The following SMIM7 variants were observed in gnomAD, a reference collection of about 807,000 sequenced individuals.
SMIM7 encodes small integral membrane protein 7.
SMIM7 carries 12 observed loss-of-function variants against 13.3 expected under a neutral mutation model. The ratio of observed to expected loss-of-function variants is 0.90; its 90% CI spans 0.58 to 1.46. The LOEUF (loss-of-function observed/expected upper bound fraction) is 1.46. SMIM7 is among the 40% of genes most tolerant of loss of function. SMIM7 has a pLI of 0.00. For missense variants in SMIM7, 114 were observed against 94.8 expected, an observed-to-expected ratio of 1.20 and a Z score of -0.84; for synonymous variants, 36 against 35.8, an observed-to-expected ratio of 1.01 and a Z score of -0.02.
intron 3 of SMIM7, among the ~76,000 whole-genome samples, chr19:16,657,916 T>G (rs2086617815): frequency 6.6e-6 from 1 of 152,202 alleles, no homozygotes. Flanking sequence ...GTGCCTGTAG[T>G]CCCAGCTACT....
intron 4 of SMIM7, among the ~76,000 whole-genome samples, chr19:16,649,252 T>C (rs922933851): frequency 6.6e-6 from 1 of 151,888 alleles, no homozygotes; most frequent in Non-Finnish European, 1.5e-5. Flanking sequence ...ACTTGAGGTC[T>C]GGAGTTCGAG....
intron 4 of SMIM7, chr19:16,638,873 G>A (rs907743911): frequency 6.6e-6 from 1 of 152,202 alleles, no homozygotes; most frequent in African/African-American, 2.4e-5. Context: ...GGTGCAGAAG[G>A]GCCAAGACAC....
intron 4 of SMIM7, among the ~76,000 whole-genome samples, chr19:16,637,899 T>G (rs762180875): frequency 3.9e-5 from 6 of 152,160 alleles, no homozygotes; most frequent in Admixed American, 6.6e-5. Flanking sequence ...AGGGACTGTA[T>G]TTGGAGACAG....
intron 3 of SMIM7, among the ~76,000 whole-genome samples, chr19:16,658,093 T>C (rs1033242617): frequency 6.6e-6 from 1 of 152,170 alleles, no homozygotes; most frequent in African/African-American, 2.4e-5. Flanking sequence ...TGCTCCATCA[T>C]GGCATCCACC....
downstream of SMIM7, among the ~76,000 whole-genome samples, chr19:16,643,291 T>C (rs1250082648): frequency 2.0e-5 from 3 of 152,210 alleles, no homozygotes; most frequent in African/African-American, 4.8e-5. Context: ...TGGAAGAATA[T>C]GTACCTAGGG....
chr19:16,652,639 C>T (rs547424432), intron 4 of SMIM7: 1 of 1,352,830 alleles, frequency 7.4e-7, no homozygotes, highest in Admixed American at 3.4e-5. Flanking sequence ...ACATCACGGT[C>T]CTTGTGATGA....
chr19:16,643,106 G>A (rs943150685), downstream of SMIM7, among the ~76,000 whole-genome samples: 1 of 152,008 alleles, frequency 6.6e-6, no homozygotes, highest in East Asian at 1.9e-4. Flanking sequence ...CTGGCCAAGT[G>A]AGACTCTGTC....
intron 4 of SMIM7, among the ~76,000 whole-genome samples, chr19:16,652,203 T>G (rs2086535534): frequency 6.6e-6 from 1 of 152,152 alleles, no homozygotes; most frequent in African/African-American, 2.4e-5. Flanking sequence ...AGGTCTTGAT[T>G]TATTATTATT....
At chr19:16,635,135 G>A (rs2122487954) in intron 4 of SMIM7, 1 of 152,122 alleles carries the variant, frequency 6.6e-6, no homozygotes, top group Admixed American at 6.6e-5. Context: ...GCTGAGGCAG[G>A]TGGATCACTT....
At chr19:16,651,912 T>C (rs575039106) in intron 4 of SMIM7, among the ~76,000 whole-genome samples, 1 of 133,360 alleles carries the variant, frequency 7.5e-6, no homozygotes, top group African/African-American at 2.9e-5. Context: ...AAGACGAGAA[T>C]GAGAGAAGCA....
At chr19:16,637,345 G>A (rs1358222395) in intron 4 of SMIM7, among the ~76,000 whole-genome samples, 7 of 152,056 alleles carry the variant, frequency 4.6e-5, no homozygotes, top group Non-Finnish European at 7.4e-5. Context: ...GTGAAACCTC[G>A]TCTCTACAAA....
chr19:16,645,130 C>T (rs1020523186), downstream of SMIM7: 3 of 152,202 alleles, frequency 2.0e-5, no homozygotes, highest in East Asian at 1.9e-4. Flanking sequence ...GAGACACAAC[C>T]ATGAGATTCC....
chr19:16,631,956 G>A (rs1011998367), intron 4 of SMIM7, among the ~76,000 whole-genome samples: 1 of 150,076 alleles, frequency 6.7e-6, no homozygotes, highest in African/African-American at 2.4e-5. Flanking sequence ...TGCAATCTCC[G>A]CCTTTCAGGT....
chr19:16,633,804 T>C (rs1489068917), intron 4 of SMIM7: 2 of 152,212 alleles, frequency 1.3e-5, no homozygotes, highest in Non-Finnish European at 2.9e-5. Context: ...ATATACATTG[T>C]GATCTTAATT....
At chr19:16,654,176 C>T (rs1469590465) in intron 3 of SMIM7, 51 bp from the exon 4 acceptor site, 23 of 1,487,338 alleles carry the variant, frequency 1.5e-5, no homozygotes, top group East Asian at 2.3e-5. Context: ...CCCATCCCTA[C>T]TGCCACCTCA....
intron 4 of SMIM7, 134 bp from the exon 5 acceptor site, chr19:16,647,395 A>C: frequency 1.0e-6 from 1 of 997,634 alleles, no homozygotes; most frequent in Non-Finnish European, 1.6e-6. Flanking sequence ...TTTTTAAAGT[A>C]ACCTGTGATC....
chr19:16,640,813 G>A (rs2122499617), downstream of SMIM7: 1 of 152,248 alleles, frequency 6.6e-6, no homozygotes, highest in Non-Finnish European at 1.5e-5. Context: ...GGTGCCTGTA[G>A]TCCCAGCTAC....
intron 4 of SMIM7, among the ~76,000 whole-genome samples, chr19:16,638,464 C>T (rs924671492): frequency 1.2e-4 from 18 of 151,424 alleles, no homozygotes; most frequent in South Asian, 8.4e-4. Context: ...CCACCATGCC[C>T]GGCTAATTTT....
chr19:16,643,661 T>C (rs1473249802), downstream of SMIM7, among the ~76,000 whole-genome samples: 1 of 152,088 alleles, frequency 6.6e-6, no homozygotes, highest in African/African-American at 2.4e-5. Flanking sequence ...CCTCCTAAAG[T>C]GCTGGGATTA....
Sources: gnomAD v4.1 joint callset for allele counts (sites outside exome capture counted in the v4.1 genomes callset) on GRCh38, gnomAD v4.1.1 for gene constraint, MANE v1.5 for transcripts, NCBI Gene and HGNC (gene_info 2026-07-23, HGNC 2026-07-21) for gene names.